Variants in SLC44A5 observed in about 807,000 individuals in gnomAD.
SLC44A5 encodes solute carrier family 44 member 5.
Under a neutral mutation model 101.8 loss-of-function variants are expected in SLC44A5, and 57 were observed. That is an observed-to-expected ratio of 0.56 (90% CI 0.45 to 0.70). SLC44A5 has a LOEUF of 0.70. Ranked by LOEUF, SLC44A5 falls within the 30% of genes least tolerant of loss-of-function variation. The probability of loss-of-function intolerance (pLI) is 0.00; values close to 1 mark genes in which losing one functional copy is unlikely to be tolerated. For synonymous variants in SLC44A5, 281 were observed against 290.9 expected (o/e 0.97, Z 0.35); for missense variants, 737 against 853.1 (o/e 0.86, Z 1.70).
chr1:75,280,435 T>TGTGTATATA, intron 5 of SLC44A5, among the ~76,000 whole-genome samples: 1 of 102,746 alleles, frequency 9.7e-6, no homozygotes, highest in Non-Finnish European at 1.9e-5. Context: ...TTGTATATAT[T>TGTGTATATA]ATATATAGTA....
chr1:75,479,538 A>C (rs1478308393), intron 2 of SLC44A5, among the ~76,000 whole-genome samples: 1 of 152,250 alleles, frequency 6.6e-6, no homozygotes, highest in African/African-American at 2.4e-5. Context: ...AGAAGAATCA[A>C]ATAGATGCAA....
chr1:75,574,409 C>A (rs984056749), intron 1 of SLC44A5, among the ~76,000 whole-genome samples: 2 of 152,194 alleles, frequency 1.3e-5, no homozygotes, highest in Non-Finnish European at 2.9e-5. Context: ...GGGATGTTAT[C>A]TTCTGTGACA....
chr1:75,639,910 T>G, the SLC44A5 span, among the ~76,000 whole-genome samples: 2 of 152,036 alleles, frequency 1.3e-5, no homozygotes, highest in African/African-American at 4.8e-5. Context: ...GAATTGCCCT[T>G]GTCACATCTG....
chr1:75,308,851 C>T (rs1655095997), intron 4 of SLC44A5, among the ~76,000 whole-genome samples: 1 of 152,144 alleles, frequency 6.6e-6, no homozygotes, highest in Non-Finnish European at 1.5e-5. Context: ...TAGAAAACTG[C>T]ATGTCTCCTA....
chr1:75,643,188 A>T, the SLC44A5 span, among the ~76,000 whole-genome samples: 1 of 152,122 alleles, frequency 6.6e-6, no homozygotes, highest in African/African-American at 2.4e-5. Flanking sequence ...TAGTAACTTT[A>T]CTTATACTAC....
At chr1:75,426,682 T>TA (rs1313166623) in intron 2 of SLC44A5, among the ~76,000 whole-genome samples, 1 of 152,328 alleles carries the variant, frequency 6.6e-6, no homozygotes, top group African/African-American at 2.4e-5. Flanking sequence ...CTGTAAAACT[T>TA]AAAAAGGAGG....
intron 3 of SLC44A5, among the ~76,000 whole-genome samples, chr1:75,383,513 A>T (rs1224194902): frequency 6.6e-6 from 1 of 152,220 alleles, no homozygotes; most frequent in Non-Finnish European, 1.5e-5. Context: ...AGAAAAAAGA[A>T]TAAAAAGAAA....
At chr1:75,578,632 G>T (rs979305330) in intron 1 of SLC44A5, among the ~76,000 whole-genome samples, 2 of 152,142 alleles carry the variant, frequency 1.3e-5, no homozygotes, top group African/African-American at 2.4e-5. Flanking sequence ...GGGGCTGTGG[G>T]GGCAGGTGCA....
intron 2 of SLC44A5, among the ~76,000 whole-genome samples, chr1:75,423,769 A>G (rs1042785098): frequency 3.3e-5 from 5 of 152,248 alleles, no homozygotes; most frequent in Non-Finnish European, 4.4e-5. Context: ...GGCCTGGGAC[A>G]GGCCTTGCTG....
At chr1:75,709,078 C>T in the SLC44A5 span, among the ~76,000 whole-genome samples, 1 of 152,126 alleles carries the variant, frequency 6.6e-6, no homozygotes, top group Non-Finnish European at 1.5e-5. Flanking sequence ...TTTTGACCTC[C>T]CAATAACTCA....
chr1:75,602,468 A>G (rs550364013), intron 1 of SLC44A5, among the ~76,000 whole-genome samples: 1 of 152,250 alleles, frequency 6.6e-6, no homozygotes, highest in South Asian at 2.1e-4. Context: ...GGTGTATTCC[A>G]AAGCTGTGCT....
rs367980344 is a variant in SLC44A5 at position 75,397,973 on chromosome 1, C to T, written c.14-1352G>A. 3.9e-5 allele frequency among the ~76,000 whole-genome samples: 6 copies of T among 152,262 alleles called. No individual in the cohort carries two copies. In the East Asian group the frequency reaches 5.8e-4, roughly 15 times the overall value. On this transcript the variant is annotated intron_variant, in intron 2 of 23. Coordinates refer to ENST00000370859, the MANE Select transcript of SLC44A5 (RefSeq NM_001130058.2). ...TAGGGACATACAGGTTTCACACTTA[C>T]CATTTAAAAAGCTAAATGAAGTGCC... is the stretch of plus-strand genomic sequence containing the variant.
At chr1:75,359,490 C>A (rs1171400124) in intron 3 of SLC44A5, among the ~76,000 whole-genome samples, 2 of 151,618 alleles carry the variant, frequency 1.3e-5, no homozygotes, top group Non-Finnish European at 2.9e-5. Flanking sequence ...ATCCACCCAC[C>A]TTGGTCTCCC....
chr1:75,454,917 T>C (rs1477248097), intron 2 of SLC44A5, among the ~76,000 whole-genome samples: 1 of 152,066 alleles, frequency 6.6e-6, no homozygotes, highest in Non-Finnish European at 1.5e-5. Context: ...GCTCATGGAT[T>C]GAAAGAATAA....
At chr1:75,722,313 C>T in the SLC44A5 span, among the ~76,000 whole-genome samples, 6 of 152,140 alleles carry the variant, frequency 3.9e-5, no homozygotes, top group Admixed American at 1.3e-4. Context: ...TAGGAATAAA[C>T]AGTAACTTCT....
chr1:75,590,278 C>T (rs904579044), intron 1 of SLC44A5, among the ~76,000 whole-genome samples: 2 of 152,002 alleles, frequency 1.3e-5, no homozygotes, highest in Admixed American at 1.3e-4. Flanking sequence ...TGTTCTAGGC[C>T]CTAGCTGACA....
intron 3 of SLC44A5, among the ~76,000 whole-genome samples, chr1:75,384,713 G>T (rs538117942): frequency 1.5e-3 from 196 of 126,562 alleles, no homozygotes; most frequent in African/African-American, 5.3e-3. Flanking sequence ...GGACCTAATA[G>T]ACATCTACAG....
At chr1:75,615,813 G>T, upstream of SLC44A5, 2 of 971,376 alleles carry the variant, frequency 2.1e-6, no homozygotes, top group South Asian at 4.7e-5. Flanking sequence ...GGGCGGGTGA[G>T]AGAGGGGAGG....
At chr1:75,312,123 A>G (rs1303618632) in intron 4 of SLC44A5, among the ~76,000 whole-genome samples, 1 of 152,110 alleles carries the variant, frequency 6.6e-6, no homozygotes, top group East Asian at 1.9e-4. Context: ...ATGGTTTTAT[A>G]AGGGGAAACC....
Sources: allele counts gnomAD v4.1 joint callset (sites outside exome capture counted in the v4.1 genomes callset), GRCh38; gene constraint gnomAD v4.1.1; transcripts MANE v1.5; gene names NCBI Gene and HGNC (gene_info 2026-07-23, HGNC 2026-07-21).